Variants in SMIM23 observed in about 807,000 individuals in gnomAD.
SMIM23 encodes the protein small integral membrane protein 23.
A neutral mutation model predicts 12.8 loss-of-function variants in SMIM23; 10 were observed. The ratio of observed to expected loss-of-function variants is 0.78; its 90% CI spans 0.48 to 1.32. SMIM23 has a LOEUF of 1.32. SMIM23 is among the 40% of genes most tolerant of loss of function. SMIM23 has a pLI of 0.00. For synonymous variants in SMIM23, 78 were observed against 80.1 expected (o/e 0.97, Z 0.14); for missense variants, 184 against 198.2 (o/e 0.93, Z 0.43).
At chr5:171,774,008 C>T in the SMIM23 span, 15 of 367,182 alleles carry the variant, frequency 4.1e-5, no homozygotes, top group African/African-American at 1.7e-4. Flanking sequence ...GTGTGCACTT[C>T]GCAGGAGGCA....
At chr5:171,779,960 C>G (rs116037568), upstream of SMIM23, among the ~76,000 whole-genome samples, 3,458 of 152,054 alleles carry the variant, frequency 0.023, 136 homozygotes, top group African/African-American at 0.079. Flanking sequence ...CCAGTAACCC[C>G]GTAAGACACA....
the SMIM23 span, chr5:171,774,611 A>AC: frequency 1.7e-5 from 3 of 175,224 alleles, no homozygotes; most frequent in Non-Finnish European, 2.3e-5. Flanking sequence ...GCCCCACCCC[A>AC]CCCCACCCTC....
upstream of SMIM23, among the ~76,000 whole-genome samples, chr5:171,779,345 A>G (rs1755689204): frequency 6.6e-6 from 1 of 152,230 alleles, no homozygotes; most frequent in South Asian, 2.1e-4. Context: ...TTTCACACCC[A>G]GACTACTTCT....
chr5:171,778,970 C>T (rs1384930308), upstream of SMIM23, among the ~76,000 whole-genome samples: 10 of 152,158 alleles, frequency 6.6e-5, no homozygotes, highest in Non-Finnish European at 1.5e-5. Flanking sequence ...CAAGACTGGC[C>T]GTTTCCAATT....
At chr5:171,787,935 ATTTTTTT>A (rs144396585) in intron 1 of SMIM23, among the ~76,000 whole-genome samples, 1 of 149,802 alleles carries the variant, frequency 6.7e-6, no homozygotes, top group Non-Finnish European at 1.5e-5. Flanking sequence ...GCTATGTAAC[ATTTTTTT>A]TTTAAGTTAA....
At chr5:171,780,283 CCT>C (rs1755705789), upstream of SMIM23, among the ~76,000 whole-genome samples, 1 of 152,144 alleles carries the variant, frequency 6.6e-6, no homozygotes, top group Admixed American at 6.5e-5. Context: ...CCTTCAAAGG[CCT>C]CTCTCTCCTT....
chr5:171,772,677 A>G, the SMIM23 span, among the ~76,000 whole-genome samples: 1 of 152,190 alleles, frequency 6.6e-6, no homozygotes, highest in East Asian at 1.9e-4. Context: ...GAACGCCACA[A>G]AAGGGCTGAC....
At chr5:171,782,651 A>C (rs1406108913), upstream of SMIM23, 1 of 152,222 alleles carries the variant, frequency 6.6e-6, no homozygotes, top group Non-Finnish European at 1.5e-5. Context: ...CATTCGGCAA[A>C]TATTTACTGA....
chr5:171,775,607 A>G, the SMIM23 span, among the ~76,000 whole-genome samples: 2 of 152,122 alleles, frequency 1.3e-5, no homozygotes, highest in South Asian at 2.1e-4. Context: ...GATGTTAAGA[A>G]CTCAGGCCCT....
intron 1 of SMIM23, among the ~76,000 whole-genome samples, chr5:171,789,260 T>G (rs958158405): frequency 6.6e-6 from 1 of 152,266 alleles, no homozygotes; most frequent in Non-Finnish European, 1.5e-5. Context: ...TAGAGTTTAC[T>G]GAAGAAGCTC....
intron 1 of SMIM23, among the ~76,000 whole-genome samples, chr5:171,789,579 A>G (rs900202667): frequency 2.0e-5 from 3 of 152,260 alleles, no homozygotes; most frequent in Non-Finnish European, 2.9e-5. Context: ...CATATAAAAT[A>G]AATACTCATC....
rs1581076426 is a variant in SMIM23 at position 171,790,226 on chromosome 5, C to T, written c.106-4C>T. ...TTCCTCCTCTTCCTCTTCTTGCACC[C>T]TAGACGCTGTTGGCATTGCTGATCT... On this transcript the variant is annotated splice_region_variant and splice_polypyrimidine_tract_variant and intron_variant, in intron 1 of 3. Transcript: ENST00000523047. 2.0e-6 allele frequency: 3 copies of T among 1,536,114 alleles called. No homozygotes were observed. The highest frequency in any genetic ancestry group is 1.7e-4 in the Middle Eastern group (1 of 5,990).
At chr5:171,775,857 G>A in the SMIM23 span, among the ~76,000 whole-genome samples, 1 of 148,936 alleles carries the variant, frequency 6.7e-6, no homozygotes, top group East Asian at 1.9e-4. Flanking sequence ...ACCCTATAAG[G>A]CACGTATTTC....
the SMIM23 span, chr5:171,774,575 A>G: frequency 4.4e-6 from 2 of 455,822 alleles, no homozygotes; most frequent in Non-Finnish European, 8.8e-6. Flanking sequence ...GCGTAGGCCC[A>G]TGGCACACTG....
Position 171,790,994 on chromosome 5 carries a change from A to G in SMIM23, c.425A>G (p.Lys142Arg). 6.5e-7 allele frequency: 1 copy of G among 1,535,760 alleles called. No individual in the cohort carries two copies. The highest frequency in any genetic ancestry group is 8.7e-7 in the Non-Finnish European group (1 of 1,146,896). ...CAGGAGGAGCACTGCTCCACATATA[A>G]AAGTCACTTGTGGGAGTGGGCCTGG... is the stretch of plus-strand genomic sequence containing the variant. ...PHQEEHCSTYKSHLWEWAWAL... is the reference protein window; with the variant it reads ...PHQEEHCSTYRSHLWEWAWAL... The change falls in exon 4 of 4, where the codon AAA becomes AGA. Residue 142 changes from lysine (K) to arginine (R), a missense_variant. Physicochemically the swap from Lys to Arg is conservative, Grantham distance 26. Transcript: ENST00000523047.
chr5:171,781,079 A>C (rs1755718273), upstream of SMIM23, among the ~76,000 whole-genome samples: 1 of 152,218 alleles, frequency 6.6e-6, no homozygotes, highest in African/African-American at 2.4e-5. Flanking sequence ...GTACTTAGAA[A>C]ACTCTCAAAA....
At chr5:171,786,795 G>A (rs1755825871) in intron 1 of SMIM23, among the ~76,000 whole-genome samples, 1 of 152,088 alleles carries the variant, frequency 6.6e-6, no homozygotes, top group Admixed American at 6.5e-5. Context: ...GTGTTCCATA[G>A]ACACCAGACC....
upstream of SMIM23, among the ~76,000 whole-genome samples, chr5:171,779,236 T>G (rs1048234344): frequency 5.3e-5 from 8 of 152,176 alleles, no homozygotes; most frequent in African/African-American, 1.9e-4. Context: ...AAATCAGAAG[T>G]TCTCACCACA....
At chr5:171,778,177 C>A (rs9313562), upstream of SMIM23, among the ~76,000 whole-genome samples, 4 of 151,834 alleles carry the variant, frequency 2.6e-5, no homozygotes, top group African/African-American at 9.7e-5. Context: ...CTGGCCAACA[C>A]GGTGAAACCC....
Sources: allele counts gnomAD v4.1 joint callset (sites outside exome capture counted in the v4.1 genomes callset), GRCh38; gene constraint gnomAD v4.1.1; transcripts MANE v1.5; gene names NCBI Gene and HGNC (gene_info 2026-07-23, HGNC 2026-07-21).